Variants in CDH12 observed in about 807,000 individuals in gnomAD.
The protein encoded by CDH12 is cadherin 12, also known as cadherin-12.
Under a neutral mutation model 74.1 loss-of-function variants are expected in CDH12, and 41 were observed. The observed-to-expected ratio is 0.55, with a 90% CI of 0.43 to 0.72. CDH12 has a LOEUF of 0.72. Among genes scored for constraint, CDH12 ranks in the 30% least tolerant of loss-of-function variants. The pLI, the probability that CDH12 is intolerant of heterozygous loss-of-function variation, is 0.00. For synonymous variants in CDH12, 399 were observed against 355.0 expected (o/e 1.12, Z -1.39); for missense variants, 945 against 977.2 (o/e 0.97, Z 0.44).
intron 3 of CDH12, among the ~76,000 whole-genome samples, chr5:22,304,444 C>G (rs567744840): frequency 1.3e-5 from 2 of 152,258 alleles, no homozygotes; most frequent in East Asian, 3.9e-4. Flanking sequence ...CAAAGTCATA[C>G]ATGTATATAT....
intron 2 of CDH12, among the ~76,000 whole-genome samples, chr5:22,435,985 A>G (rs902780001): frequency 1.3e-5 from 2 of 151,738 alleles, no homozygotes; most frequent in African/African-American, 4.8e-5. Context: ...TTATTGCAGC[A>G]CTACTCACAA....
At chr5:22,797,658 T>C (rs1748298379) in intron 1 of CDH12, among the ~76,000 whole-genome samples, 1 of 152,194 alleles carries the variant, frequency 6.6e-6, no homozygotes, top group South Asian at 2.1e-4. Flanking sequence ...AAATAAAAGA[T>C]TCTCAGCAAT....
intron 4 of CDH12, among the ~76,000 whole-genome samples, chr5:22,210,645 T>C (rs1751475778): frequency 6.6e-6 from 1 of 152,130 alleles, no homozygotes; most frequent in South Asian, 2.1e-4. Context: ...CAACCTTCAA[T>C]GGACGTACTC....
intron 3 of CDH12, among the ~76,000 whole-genome samples, chr5:22,303,174 CT>C (rs1737963270): frequency 6.6e-6 from 1 of 151,936 alleles, no homozygotes; most frequent in Non-Finnish European, 1.5e-5. Flanking sequence ...GAAAGGAGCA[CT>C]TTAAATATAT....
At chr5:22,100,068 C>G (rs1744050286) in intron 4 of CDH12, among the ~76,000 whole-genome samples, 1 of 152,102 alleles carries the variant, frequency 6.6e-6, no homozygotes, top group Admixed American at 6.6e-5. Flanking sequence ...TACCATCCCC[C>G]AAAATTTTCG....
At position 22,078,843 on chromosome 5, in the gene CDH12, T is replaced by C. The variant is rs1742517627; in HGVS notation, c.-167A>G. The C allele has an allele frequency of 7.1e-6, 10 of 1,403,054 alleles. No individual in the cohort carries two copies. In the South Asian group the frequency reaches 1.7e-4, roughly 23 times the overall value. 86.9% of individuals were successfully genotyped at this position (1,403,054 alleles called of 1,614,324 possible). A position where few individuals can be genotyped will look rare whatever the true frequency, so the allele number is the denominator to read the frequency against. On this transcript the variant is annotated 5_prime_UTR_variant, in exon 5 of 15. In the 5' UTR this introduces an upstream ATG that the reference lacks. Transcript: ENST00000382254. ...TTTGATGAAAAGGCTTCTGCTGTATTATATTCCATCTAAAGGGGCCTATGA... is the reference window on the plus strand; with the variant it reads ...TTTGATGAAAAGGCTTCTGCTGTATCATATTCCATCTAAAGGGGCCTATGA...
intron 6 of CDH12, chr5:21,882,458 G>C (rs1001572847): frequency 7.7e-6 from 5 of 650,552 alleles, no homozygotes; most frequent in African/African-American, 7.2e-5. Context: ...GCAGATGTCT[G>C]TATGTTCCAT....
chr5:22,186,755 G>A (rs535822999), intron 4 of CDH12, among the ~76,000 whole-genome samples: 15 of 152,274 alleles, frequency 9.9e-5, no homozygotes, highest in African/African-American at 3.1e-4. Flanking sequence ...ACAAGTGTGA[G>A]TCACTGAGCC....
At chr5:22,049,508 T>G (rs1740201191) in intron 5 of CDH12, among the ~76,000 whole-genome samples, 1 of 152,242 alleles carries the variant, frequency 6.6e-6, no homozygotes, top group East Asian at 1.9e-4. Context: ...CAGCAGCCTT[T>G]GATTTTAAAA....
chr5:21,967,551 G>A, intron 6 of CDH12, among the ~76,000 whole-genome samples: 1 of 151,974 alleles, frequency 6.6e-6, no homozygotes, highest in South Asian at 2.1e-4. Context: ...AGAGTCATTT[G>A]GTGGTTTCGA....
chr5:22,343,912 C>CATAAAGTGAAATAA (rs2150458048), intron 3 of CDH12, among the ~76,000 whole-genome samples: 1 of 152,330 alleles, frequency 6.6e-6, no homozygotes, highest in Non-Finnish European at 1.5e-5. Flanking sequence ...GTTGTAGATA[C>CATAAAGTGAAATAA]ATTTTCACTT....
intron 1 of CDH12, among the ~76,000 whole-genome samples, chr5:22,530,691 CAAG>C (rs1215411243): frequency 4.0e-5 from 6 of 151,878 alleles, no homozygotes; most frequent in Admixed American, 2.6e-4. Context: ...TCATTGGTAA[CAAG>C]AAGATGTTGT....
At chr5:21,761,218 T>C (rs1033911699) in intron 12 of CDH12, among the ~76,000 whole-genome samples, 6 of 152,008 alleles carry the variant, frequency 3.9e-5, no homozygotes, top group Admixed American at 3.9e-4. Flanking sequence ...TTTCAAAGAG[T>C]TTTTAATAAG....
chr5:22,267,728 G>A (rs72742063), intron 3 of CDH12, among the ~76,000 whole-genome samples: 1 of 152,068 alleles, frequency 6.6e-6, no homozygotes, highest in Non-Finnish European at 1.5e-5. Context: ...TCTGTATAAG[G>A]TTGTGTTGCC....
chr5:22,541,927 T>G (rs1738119814), intron 1 of CDH12, among the ~76,000 whole-genome samples: 1 of 152,230 alleles, frequency 6.6e-6, no homozygotes, highest in Non-Finnish European at 1.5e-5. Flanking sequence ...GAAAGATTTC[T>G]TTTGAATTGA....
At chr5:22,209,898 A>G (rs1261505431) in intron 4 of CDH12, among the ~76,000 whole-genome samples, 1 of 152,132 alleles carries the variant, frequency 6.6e-6, no homozygotes, top group Admixed American at 6.5e-5. Context: ...AGAGTGTATG[A>G]GTTTTAAACA....
intron 1 of CDH12, among the ~76,000 whole-genome samples, chr5:22,712,156 T>A (rs549409554): frequency 6.6e-6 from 1 of 152,106 alleles, no homozygotes; most frequent in South Asian, 2.1e-4. Context: ...TTGTTATACC[T>A]GTAACAATAC....
chr5:22,651,880 A>G (rs1292886235), intron 1 of CDH12, among the ~76,000 whole-genome samples: 1 of 152,102 alleles, frequency 6.6e-6, no homozygotes, highest in Non-Finnish European at 1.5e-5. Flanking sequence ...AAAGGAGCAA[A>G]TCTTTTCAAG....
chr5:22,819,921 T>C (rs1365242054), intron 1 of CDH12, among the ~76,000 whole-genome samples: 1 of 147,450 alleles, frequency 6.8e-6, no homozygotes, highest in Non-Finnish European at 1.5e-5. Context: ...AAATATATAT[T>C]TATATAGATG....
Sources: gnomAD v4.1 joint callset for allele counts (sites outside exome capture counted in the v4.1 genomes callset) on GRCh38, gnomAD v4.1.1 for gene constraint, MANE v1.5 for transcripts, NCBI Gene and HGNC (gene_info 2026-07-23, HGNC 2026-07-21) for gene names.